The following NEK1 variants were observed in gnomAD, a reference collection of about 807,000 sequenced individuals.
NEK1 encodes the protein NIMA related kinase 1, also known as serine/threonine-protein kinase Nek1.
NEK1 carries 137 observed loss-of-function variants against 182.1 expected under a neutral mutation model. The ratio of observed to expected loss-of-function variants is 0.75; its 90% CI spans 0.65 to 0.87. The LOEUF is 0.87. NEK1 is among the 40% of genes least tolerant of loss of function. The pLI is 0.00. For synonymous variants in NEK1, 513 were observed against 492.2 expected (o/e 1.04, Z -0.56); for missense variants, 1,391 against 1,494.4 (o/e 0.93, Z 1.14).
intron 2 of NEK1, among the ~76,000 whole-genome samples, chr4:169,607,162 A>G: frequency 6.6e-6 from 1 of 152,262 alleles, no homozygotes; most frequent in Middle Eastern, 3.2e-3. Context: ...GGATAAAATC[A>G]AAGTTATTCA....
At chr4:169,394,608 G>A (rs1730391646) in intron 35 of NEK1, 85 bp from the exon 36 acceptor site, 1 of 754,186 alleles carries the variant, frequency 1.3e-6, no homozygotes. Flanking sequence ...CATGCTAAAG[G>A]AGAAGAGCTT....
At chr4:169,494,590 T>C (rs1169257451) in intron 23 of NEK1, among the ~76,000 whole-genome samples, 2 of 152,256 alleles carry the variant, frequency 1.3e-5, no homozygotes, top group Non-Finnish European at 2.9e-5. Context: ...CAGCATGTTA[T>C]ATAATCCTCT....
chr4:169,448,909 A>C (rs185278817), intron 27 of NEK1, among the ~76,000 whole-genome samples: 2 of 152,350 alleles, frequency 1.3e-5, no homozygotes, highest in East Asian at 3.9e-4. Context: ...TAGCCAAGGG[A>C]AGCCGTGACA....
intron 23 of NEK1, among the ~76,000 whole-genome samples, chr4:169,505,652 T>C (rs1189925747): frequency 6.6e-6 from 1 of 152,188 alleles, no homozygotes; most frequent in Non-Finnish European, 1.5e-5. Context: ...AGAGTGGTTA[T>C]AATATGCCTG....
chr4:169,394,590 T>C, intron 35 of NEK1, 67 bp from the exon 36 acceptor site: 1 of 940,366 alleles, frequency 1.1e-6, no homozygotes. Flanking sequence ...AAAAAACCCA[T>C]TCTTGTTCAT....
intron 31 of NEK1, among the ~76,000 whole-genome samples, chr4:169,412,274 TAA>T (rs1321784585): frequency 3.3e-5 from 5 of 152,260 alleles, no homozygotes; most frequent in Non-Finnish European, 7.3e-5. Context: ...TTTGTACTTT[TAA>T]AGAAACAGTT....
intron 12 of NEK1, among the ~76,000 whole-genome samples, chr4:169,576,326 G>C (rs1363680874): frequency 1.3e-5 from 2 of 152,138 alleles, no homozygotes; most frequent in Admixed American, 1.3e-4. Flanking sequence ...TCTTACAGCA[G>C]TGTGTATACA....
chr4:169,415,806 T>C (rs2111224116), intron 31 of NEK1, among the ~76,000 whole-genome samples: 1 of 152,322 alleles, frequency 6.6e-6, no homozygotes, highest in East Asian at 1.9e-4. Context: ...TTCAGTTTAC[T>C]GTCATTACAT....
At chr4:169,474,352 T>C (rs1156852100) in intron 26 of NEK1, among the ~76,000 whole-genome samples, 1 of 152,210 alleles carries the variant, frequency 6.6e-6, no homozygotes, top group East Asian at 1.9e-4. Context: ...TACTTTGGTT[T>C]TCTAATCAGC....
chr4:169,406,011 C>T (rs1732522407), intron 32 of NEK1, among the ~76,000 whole-genome samples: 2 of 151,828 alleles, frequency 1.3e-5, no homozygotes, highest in African/African-American at 4.8e-5. Context: ...GGAGGAGAAT[C>T]GCTTGAACTT....
rs1004584477 is a variant in NEK1, at chr4:169,394,412, A to T, written c.*98T>A. 7 of 737,790 alleles carry T rather than the reference A, an allele frequency of 9.5e-6. No homozygotes were observed. The highest frequency in any genetic ancestry group is 1.6e-5 in the Non-Finnish European group (7 of 446,098). The allele number at this position is 737,790 out of a possible 1,614,324, so 45.7% of individuals were successfully genotyped here. On this transcript the variant is annotated 3_prime_UTR_variant, in exon 36 of 36. Coordinates refer to ENST00000507142, the MANE Select transcript of NEK1 (RefSeq NM_001199397.3). ...AAGTCCATCTTAAATCTGATTTTTT[A>T]AATAAATAATTGCTGTATTTCCCAC...
chr4:169,544,599 GTTTTTTTTTTTTTT>G (rs139478702), intron 18 of NEK1, among the ~76,000 whole-genome samples: 3 of 66,268 alleles, frequency 4.5e-5, no homozygotes, highest in East Asian at 5.0e-4. Context: ...TCTGGTCATG[GTTTTTTTTTTTTTT>G]TTTTTTTTTT....
intron 26 of NEK1, among the ~76,000 whole-genome samples, chr4:169,472,382 G>A (rs1305142924): frequency 6.6e-6 from 1 of 152,142 alleles, no homozygotes; most frequent in Non-Finnish European, 1.5e-5. Context: ...GCCTTGGCTA[G>A]AGGAGGGAGT....
rs751549975 is a variant in NEK1, at chr4:169,561,821, C to T, written c.1140+11G>A. ...CTTGCCAAAGGTAGAAAAACAAGAG[C>T]AAAAAACTACCTGATCCTTTTGTTT... On this transcript the variant is annotated intron_variant, in intron 14 of 35. Transcript: ENST00000507142. The T allele has an allele frequency of 1.2e-6, 2 of 1,608,402 alleles. No individual in the cohort carries two copies. The highest frequency in any genetic ancestry group is 1.7e-6 in the Non-Finnish European group (2 of 1,177,676).
intron 3 of NEK1, 60 bp downstream of exon 3, chr4:169,602,454 A>C: frequency 3.3e-6 from 3 of 909,780 alleles, no homozygotes; most frequent in Non-Finnish European, 5.2e-6. Context: ...AAAATCTCTA[A>C]CAATGAGCTC....
At chr4:169,407,396 C>T (rs1579347090) in intron 31 of NEK1, among the ~76,000 whole-genome samples, 3 of 152,296 alleles carry the variant, frequency 2.0e-5, no homozygotes, top group South Asian at 4.1e-4. Flanking sequence ...CAGAGAGAAG[C>T]CTATCAGTGC....
rs1755239560 is a variant in NEK1 at position 169,516,373 on chromosome 4, G to GT, written c.1666-7522dup. Among the ~76,000 whole-genome samples, 2 of 128,482 alleles carry GT rather than the reference G, an allele frequency of 1.6e-5. 1 individual carries two copies. The highest frequency in any genetic ancestry group is 3.1e-5 in the Non-Finnish European group (2 of 63,684). The allele number at this position is 128,482 out of a possible 152,430, so 84.3% of individuals were successfully genotyped here. A position where few individuals can be genotyped will look rare whatever the true frequency, so the allele number is the denominator to read the frequency against. On this transcript the variant is annotated intron_variant, in intron 19 of 35. Transcript: ENST00000507142. Reference sequence around the variant, plus strand: ...TTGTTTGTTTTTTTCTTGTAAATTTGTTTGAGTTCATTGTAGATTCTGGAT... The same window carrying GT: ...TTGTTTGTTTTTTTCTTGTAAATTTGTTTTGAGTTCATTGTAGATTCTGGAT...
intron 23 of NEK1, among the ~76,000 whole-genome samples, chr4:169,505,239 A>C (rs1269660465): frequency 6.6e-6 from 1 of 152,068 alleles, no homozygotes; most frequent in Non-Finnish European, 1.5e-5. Flanking sequence ...TCCTTGAACA[A>C]CACAGGTTTG....
intron 18 of NEK1, among the ~76,000 whole-genome samples, chr4:169,549,720 G>T (rs1000001017): frequency 8.0e-5 from 12 of 150,604 alleles, no homozygotes; most frequent in South Asian, 2.1e-4. Flanking sequence ...ACGACACCCG[G>T]TCTTTTTTTG....
Sources: gnomAD v4.1 joint callset for allele counts (sites outside exome capture counted in the v4.1 genomes callset) on GRCh38, gnomAD v4.1.1 for gene constraint, MANE v1.5 for transcripts, NCBI Gene and HGNC (gene_info 2026-07-23, HGNC 2026-07-21) for gene names.